The following LINGO2 variants were observed in gnomAD, a reference collection of about 807,000 sequenced individuals.
The protein encoded by LINGO2 is leucine-rich repeat and immunoglobulin-like domain-containing nogo receptor-interacting protein 2.
In LINGO2, 14 loss-of-function variants were observed where a neutral mutation model predicts 30.6. That is an observed-to-expected ratio of 0.46 (90% CI 0.30 to 0.72). The LOEUF is 0.72. LINGO2 is among the 30% of genes least tolerant of loss of function. The pLI is 0.07. For missense variants in LINGO2, 729 were observed against 751.7 expected, an observed-to-expected ratio of 0.97 and a Z score of 0.35; for synonymous variants, 317 against 288.5, an observed-to-expected ratio of 1.10 and a Z score of -1.00.
chr9:28,316,247 T>A lies in LINGO2; in HGVS notation c.-245-20881A>T, dbSNP rs10968499. Among the ~76,000 whole-genome samples the A allele has an allele frequency of 0.014, 2,178 of 152,116 alleles. 93 individuals are homozygous for A. In the East Asian group the frequency reaches 0.15, roughly 10 times the overall value. On this transcript the variant is annotated intron_variant, in intron 3 of 5. Coordinates refer to ENST00000379992, the Ensembl canonical transcript of LINGO2. ...TGAAAACAGTACCAAAACTTTTTTT[T>A]AAAATTTAATGACTGTACAATGAAA... is the stretch of plus-strand genomic sequence containing the variant.
At chr9:28,263,358 C>G (rs934945619) in intron 4 of LINGO2, among the ~76,000 whole-genome samples, 1 of 152,130 alleles carries the variant, frequency 6.6e-6, no homozygotes, top group East Asian at 1.9e-4. Flanking sequence ...TTACTCCACT[C>G]TTTCCACACC....
At chr9:28,526,078 C>CAAAAAAAAAAAAAAAA (rs1821025669) in intron 1 of LINGO2, among the ~76,000 whole-genome samples, 1 of 74,240 alleles carries the variant, frequency 1.3e-5, no homozygotes, top group Non-Finnish European at 2.7e-5. Flanking sequence ...AAAAAAAAAG[C>CAAAAAAAAAAAAAAAA]CATTGAGTTA....
chr9:28,927,641 T>A, the LINGO2 span, among the ~76,000 whole-genome samples: 1 of 152,250 alleles, frequency 6.6e-6, no homozygotes, highest in Admixed American at 6.5e-5. Flanking sequence ...GACAATAGTT[T>A]GTGTGTAATA....
chr9:28,738,800 T>A, the LINGO2 span, among the ~76,000 whole-genome samples: 1 of 152,042 alleles, frequency 6.6e-6, no homozygotes, highest in Admixed American at 6.5e-5. Flanking sequence ...AGTTTGTCAA[T>A]ACAGTCCAGT....
At chr9:28,631,229 A>C (rs1826922653) in intron 1 of LINGO2, among the ~76,000 whole-genome samples, 1 of 151,910 alleles carries the variant, frequency 6.6e-6, no homozygotes, top group African/African-American at 2.4e-5. Flanking sequence ...TTACATATGT[A>C]TACATGTGCC....
At chr9:28,824,636 A>G in the LINGO2 span, among the ~76,000 whole-genome samples, 1 of 152,172 alleles carries the variant, frequency 6.6e-6, no homozygotes, top group African/African-American at 2.4e-5. Flanking sequence ...GGAAAGACTG[A>G]TTAATGATGT....
chr9:28,707,547 GA>G, the LINGO2 span, among the ~76,000 whole-genome samples: 1 of 152,186 alleles, frequency 6.6e-6, no homozygotes, highest in East Asian at 1.9e-4. Flanking sequence ...AGGAGCACTA[GA>G]ATTGAAATTC....
chr9:28,206,392 C>G (rs1054613361), intron 4 of LINGO2, among the ~76,000 whole-genome samples: 12 of 151,984 alleles, frequency 7.9e-5, no homozygotes, highest in African/African-American at 2.9e-4. Context: ...ATGAAAATGC[C>G]TAGTTTGATA....
chr9:28,472,314 C>A (rs1223817771), intron 2 of LINGO2, among the ~76,000 whole-genome samples: 1 of 147,020 alleles, frequency 6.8e-6, no homozygotes, highest in East Asian at 2.2e-4. Context: ...AGTGCATTGA[C>A]TTCAAGTTTT....
At chr9:27,953,518 C>A (rs1326608536) in intron 5 of LINGO2, among the ~76,000 whole-genome samples, 1 of 151,960 alleles carries the variant, frequency 6.6e-6, no homozygotes, top group South Asian at 2.1e-4. Context: ...ATAATCCCCA[C>A]ATGTTGTGGG....
intron 1 of LINGO2, among the ~76,000 whole-genome samples, chr9:28,637,711 G>A (rs1241265866): frequency 6.6e-6 from 1 of 152,134 alleles, no homozygotes; most frequent in African/African-American, 2.4e-5. Context: ...TCAGCTTAAG[G>A]AGATTTTGGG....
the LINGO2 span, among the ~76,000 whole-genome samples, chr9:28,694,677 G>A: frequency 6.6e-6 from 1 of 151,910 alleles, no homozygotes; most frequent in Admixed American, 6.6e-5. Context: ...CAATCACACA[G>A]CTAGTAAGGG....
chr9:28,350,814 G>T (rs936340117), intron 3 of LINGO2, among the ~76,000 whole-genome samples: 1 of 151,228 alleles, frequency 6.6e-6, no homozygotes, highest in Admixed American at 6.6e-5. Flanking sequence ...AGACCACAGT[G>T]CAATCAAACT....
chr9:28,426,063 A>G (rs1238387840), intron 2 of LINGO2, among the ~76,000 whole-genome samples: 2 of 152,062 alleles, frequency 1.3e-5, no homozygotes, highest in African/African-American at 4.8e-5. Context: ...GATACTTTGA[A>G]CTGTATTACT....
chr9:28,050,690 T>C (rs1373857933), intron 4 of LINGO2, among the ~76,000 whole-genome samples: 1 of 150,950 alleles, frequency 6.6e-6, no homozygotes, highest in Admixed American at 6.7e-5. Context: ...GCTTCGTGGT[T>C]ATGTAGAAGA....
At chr9:28,711,174 A>G in the LINGO2 span, among the ~76,000 whole-genome samples, 2 of 152,152 alleles carry the variant, frequency 1.3e-5, no homozygotes, top group South Asian at 4.1e-4. Flanking sequence ...TGATAAGAAA[A>G]TTAGGTATTT....
intron 1 of LINGO2, among the ~76,000 whole-genome samples, chr9:28,592,918 G>A (rs540223061): frequency 3.0e-4 from 45 of 152,036 alleles, no homozygotes; most frequent in African/African-American, 8.4e-4. Flanking sequence ...TCTCTGCCAC[G>A]TGTAACATGC....
intron 1 of LINGO2, among the ~76,000 whole-genome samples, chr9:28,522,281 C>T (rs1345171008): frequency 6.6e-6 from 1 of 152,162 alleles, no homozygotes; most frequent in African/African-American, 2.4e-5. Context: ...GAAAAGCTAT[C>T]ATTGTGGGCA....
intron 4 of LINGO2, among the ~76,000 whole-genome samples, chr9:28,020,038 G>T (rs140324053): frequency 6.6e-6 from 1 of 152,078 alleles, no homozygotes; most frequent in Non-Finnish European, 1.5e-5. Context: ...TTGTACAAGT[G>T]CCCCCAAGTG....
Sources: allele counts gnomAD v4.1 joint callset (sites outside exome capture counted in the v4.1 genomes callset), GRCh38; gene constraint gnomAD v4.1.1; transcripts MANE v1.5; gene names NCBI Gene and HGNC (gene_info 2026-07-23, HGNC 2026-07-21).